The following CCSER1 variants were observed in gnomAD, a reference collection of about 807,000 sequenced individuals.
CCSER1 encodes the protein serine-rich coiled-coil domain-containing protein 1.
A neutral mutation model predicts 82.0 loss-of-function variants in CCSER1; 41 were observed. That is an observed-to-expected ratio of 0.50 (90% CI 0.39 to 0.65). The LOEUF is 0.65. CCSER1 is among the 30% of genes least tolerant of loss of function. The pLI is 0.00. For missense variants in CCSER1, 1,119 were observed against 1,064.2 expected (o/e 1.05, Z -0.72); for synonymous variants, 414 against 383.9 (o/e 1.08, Z -0.92).
intron 3 of CCSER1, among the ~76,000 whole-genome samples, chr4:90,388,500 G>A (rs1422584277): frequency 6.6e-6 from 1 of 152,110 alleles, no homozygotes; most frequent in Non-Finnish European, 1.5e-5. Context: ...AGTAGAGACG[G>A]GGTTTCACCA....
At chr4:90,573,824 C>A (rs1233412259) in intron 5 of CCSER1, among the ~76,000 whole-genome samples, 1 of 152,134 alleles carries the variant, frequency 6.6e-6, no homozygotes, top group African/African-American at 2.4e-5. Context: ...GCACCTGCTT[C>A]TATGTGAGCA....
intron 6 of CCSER1, among the ~76,000 whole-genome samples, chr4:90,691,424 T>G (rs1579949955): frequency 6.6e-6 from 1 of 151,934 alleles, no homozygotes; most frequent in African/African-American, 2.4e-5. Context: ...CATATGTGTA[T>G]GTATAAACTC....
At chr4:91,578,461 C>T (rs956108635) in intron 10 of CCSER1, among the ~76,000 whole-genome samples, 4 of 151,864 alleles carry the variant, frequency 2.6e-5, no homozygotes, top group African/African-American at 9.7e-5. Context: ...CACAATATAG[C>T]AGATTTCTGA....
chr4:90,472,808 G>A (rs1437004205), intron 5 of CCSER1, among the ~76,000 whole-genome samples: 1 of 152,152 alleles, frequency 6.6e-6, no homozygotes, highest in Non-Finnish European at 1.5e-5. Flanking sequence ...GCAGAGTCAT[G>A]AAATCAACCT....
At chr4:90,995,313 T>C (rs1737398025) in intron 9 of CCSER1, among the ~76,000 whole-genome samples, 1 of 152,178 alleles carries the variant, frequency 6.6e-6, no homozygotes, top group African/African-American at 2.4e-5. Context: ...TTTCATGATA[T>C]ATTTTCCATT....
intron 7 of CCSER1, among the ~76,000 whole-genome samples, chr4:90,767,921 G>A (rs185916929): frequency 3.2e-4 from 49 of 152,248 alleles, no homozygotes; most frequent in Non-Finnish European, 6.3e-4. Context: ...CCAAAGTGTT[G>A]GGAGTATAGG....
intron 1 of CCSER1, among the ~76,000 whole-genome samples, chr4:90,244,442 T>C (rs563643038): frequency 7.2e-4 from 109 of 152,336 alleles, no homozygotes; most frequent in African/African-American, 2.5e-3. Context: ...GGTTAAATGC[T>C]TTGCTAGAAA....
At position 90,134,419 on chromosome 4, in the gene CCSER1, A is replaced by G. The variant is rs930136768; in HGVS notation, c.-42+6588A>G. Among the ~76,000 whole-genome samples the G allele has an allele frequency of 3.9e-5, 6 of 152,106 alleles. No homozygotes were observed. In the East Asian group the frequency reaches 9.6e-4, roughly 24 times the overall value. ...GAGATGGAGGACCTGCAAGGCTGGT[A>G]CTCCCATCTTCTTATTGCTATTTTC... On this transcript the variant is annotated intron_variant, in intron 1 of 10. Transcript: ENST00000509176.
At chr4:91,583,753 A>T (rs2110321055) in intron 10 of CCSER1, among the ~76,000 whole-genome samples, 1 of 151,604 alleles carries the variant, frequency 6.6e-6, no homozygotes, top group South Asian at 2.1e-4. Context: ...TTAAACAATT[A>T]TTTTGATAGA....
At position 90,943,729 on chromosome 4, in the gene CCSER1, A is replaced by ATTTTTTTTTTTTTTTTTTTTTTTTT. The variant is rs70965460; in HGVS notation, c.2172+20287_2172+20311dup. On this transcript the variant is annotated intron_variant, in intron 9 of 10. Transcript: ENST00000509176. Reference sequence around the variant, plus strand: ...AAACATGAGCCACTGTGCCAGGCTAATTTTTTTTTTTTTTTTTTTTTTTTT... The same window carrying ATTTTTTTTTTTTTTTTTTTTTTTTT: ...AAACATGAGCCACTGTGCCAGGCTAATTTTTTTTTTTTTTTTTTTTTTTTTTTTTTTTTTTTTTTTTTTTTTTTTT... Among the ~76,000 whole-genome samples, 8 of 68,884 alleles carry ATTTTTTTTTTTTTTTTTTTTTTTTT rather than the reference A, an allele frequency of 1.2e-4. 2 individuals are homozygous for ATTTTTTTTTTTTTTTTTTTTTTTTT. Among genetic ancestry groups the ATTTTTTTTTTTTTTTTTTTTTTTTT allele is most frequent in the African/African-American group, 2.5e-4 (4 of 15,970 alleles). The allele number at this position is 68,884 out of a possible 152,430, so 45.2% of individuals were successfully genotyped here.
chr4:90,266,415 A>G (rs994515663), intron 1 of CCSER1, among the ~76,000 whole-genome samples: 1 of 151,074 alleles, frequency 6.6e-6, no homozygotes, highest in Non-Finnish European at 1.5e-5. Flanking sequence ...GCATATTAAA[A>G]TTGGGAATTT....
intron 3 of CCSER1, among the ~76,000 whole-genome samples, chr4:90,339,970 A>C (rs933187518): frequency 1.3e-5 from 2 of 152,084 alleles, no homozygotes; most frequent in African/African-American, 4.8e-5. Context: ...AAAGCATGGA[A>C]TACATATTAA....
At chr4:91,294,316 T>G (rs1743992931) in intron 10 of CCSER1, among the ~76,000 whole-genome samples, 2 of 151,942 alleles carry the variant, frequency 1.3e-5, no homozygotes, top group South Asian at 2.1e-4. Context: ...AACAGAAGCA[T>G]GTTTTGGACA....
rs1223382195 is a variant in CCSER1, at chr4:91,602,073, T to G, written c.*3016T>G. On this transcript the variant is annotated 3_prime_UTR_variant, in exon 11 of 11. Coordinates refer to ENST00000509176, the MANE Select transcript of CCSER1 (RefSeq NM_001145065.2). ...GTTGCTGCAATGCTAAAGATGTGAA[T>G]CCACCACTATCAATACGGTCAGGGT... Among the ~76,000 whole-genome samples the G allele has an allele frequency of 3.6e-4, 54 of 152,024 alleles. 1 individual carries two copies. The highest frequency in any genetic ancestry group is 3.6e-3 in the Admixed American group (54 of 15,208).
chr4:91,322,417 T>G (rs1919227), intron 10 of CCSER1, among the ~76,000 whole-genome samples: 118,860 of 151,896 alleles, frequency 0.78, 47,256 homozygotes, highest in African/African-American at 0.93. Flanking sequence ...CAATATGATT[T>G]TGAAAGAGAA....
chr4:90,818,046 T>C (rs1759247088), intron 8 of CCSER1, among the ~76,000 whole-genome samples: 1 of 152,206 alleles, frequency 6.6e-6, no homozygotes, highest in South Asian at 2.1e-4. Context: ...GGGTTTCTGA[T>C]TTCTTGACCA....
At chr4:90,505,553 GAT>G (rs1260420784) in intron 5 of CCSER1, among the ~76,000 whole-genome samples, 2 of 152,180 alleles carry the variant, frequency 1.3e-5, no homozygotes, top group Non-Finnish European at 2.9e-5. Flanking sequence ...GGCTGCTGCT[GAT>G]TGGCTACTTT....
At chr4:90,407,597 C>A (rs1753922147) in intron 4 of CCSER1, among the ~76,000 whole-genome samples, 2 of 152,236 alleles carry the variant, frequency 1.3e-5, no homozygotes, top group Admixed American at 6.5e-5. Context: ...TGCAAAAATT[C>A]TCAGAAAAAT....
At chr4:91,220,507 C>T (rs927588581) in intron 10 of CCSER1, among the ~76,000 whole-genome samples, 1 of 152,164 alleles carries the variant, frequency 6.6e-6, no homozygotes, top group African/African-American at 2.4e-5. Flanking sequence ...GAATAGCTGT[C>T]TTCTGTGTCA....
Sources: gnomAD v4.1 joint callset for allele counts (sites outside exome capture counted in the v4.1 genomes callset) on GRCh38, gnomAD v4.1.1 for gene constraint, MANE v1.5 for transcripts, NCBI Gene and HGNC (gene_info 2026-07-23, HGNC 2026-07-21) for gene names.